The following NPIPB11 variants were observed in gnomAD, a reference collection of about 807,000 sequenced individuals.
The protein encoded by NPIPB11 is nuclear pore complex interacting protein family member B11.
A neutral mutation model predicts 32.8 loss-of-function variants in NPIPB11; 17 were observed. That is an observed-to-expected ratio of 0.52 (90% CI 0.35 to 0.78). The LOEUF is 0.78. Among genes scored for constraint, NPIPB11 ranks in the 30% least tolerant of loss-of-function variants. NPIPB11 has a pLI of 0.01. For missense variants in NPIPB11, 537 were observed against 1,000.4 expected, an observed-to-expected ratio of 0.54 and a Z score of 6.25; for synonymous variants, 209 against 398.4, an observed-to-expected ratio of 0.52 and a Z score of 5.66.
At chr16:29,400,839 G>A (rs1012142716) in intron 2 of NPIPB11, among the ~76,000 whole-genome samples, 1 of 152,144 alleles carries the variant, frequency 6.6e-6, no homozygotes, top group Admixed American at 6.5e-5. Context: ...TTCCATCGGA[G>A]GTGGCAGGTG....
At chr16:29,390,712 C>T (rs1023433291) in intron 3 of NPIPB11, among the ~76,000 whole-genome samples, 1 of 151,814 alleles carries the variant, frequency 6.6e-6, no homozygotes, top group African/African-American at 2.4e-5. Context: ...TCCTGTAATC[C>T]CAGCACTTTG....
chr16:29,394,491 G>A (rs1963802479), intron 2 of NPIPB11, among the ~76,000 whole-genome samples: 1 of 150,002 alleles, frequency 6.7e-6, no homozygotes, highest in Non-Finnish European at 1.5e-5. Flanking sequence ...CTGGAGTGAA[G>A]TGGTGCAATC....
chr16:29,393,811 A>C, intron 3 of NPIPB11, 137 bp downstream of exon 3: 3 of 1,228,202 alleles, frequency 2.4e-6, no homozygotes, highest in South Asian at 3.3e-5. Flanking sequence ...CATAATTCTT[A>C]TGCTAATAAA....
At chr16:29,392,283 C>A (rs1422005284) in intron 3 of NPIPB11, among the ~76,000 whole-genome samples, 1 of 152,022 alleles carries the variant, frequency 6.6e-6, no homozygotes, top group Non-Finnish European at 1.5e-5. Flanking sequence ...TCATGGCACC[C>A]ATGATGTCCC....
chr16:29,394,334 G>C (rs1386908316), intron 2 of NPIPB11, among the ~76,000 whole-genome samples: 4 of 151,268 alleles, frequency 2.6e-5, no homozygotes, highest in Non-Finnish European at 4.4e-5. Context: ...CCAATCTTTT[G>C]ACTTCCCTGC....
chr16:29,399,980 G>A (rs1485713160), intron 2 of NPIPB11, among the ~76,000 whole-genome samples: 1 of 151,824 alleles, frequency 6.6e-6, no homozygotes, highest in African/African-American at 2.4e-5. Flanking sequence ...AGGAGACTGA[G>A]GCAGGACAAT....
At chr16:29,406,672 C>T (rs897705722), upstream of NPIPB11, among the ~76,000 whole-genome samples, 2 of 152,022 alleles carry the variant, frequency 1.3e-5, no homozygotes, top group Admixed American at 6.5e-5. Flanking sequence ...CGAGATCATG[C>T]CACTGCACTC....
At chr16:29,402,736 G>A (rs1185845382) in intron 2 of NPIPB11, among the ~76,000 whole-genome samples, 1 of 139,310 alleles carries the variant, frequency 7.2e-6, no homozygotes, top group Non-Finnish European at 1.5e-5. Flanking sequence ...GTGTGTGTGT[G>A]TGTGTGTGTG....
At chr16:29,393,094 A>G (rs1963761285) in intron 3 of NPIPB11, among the ~76,000 whole-genome samples, 1 of 151,094 alleles carries the variant, frequency 6.6e-6, no homozygotes, top group African/African-American at 2.5e-5. Context: ...ACAACTTAGC[A>G]GCCAAATTCT....
At chr16:29,390,316 T>A (rs768783125) in exon 4 of NPIPB11, 5 of 1,541,556 alleles carry the variant, frequency 3.2e-6, no homozygotes, top group Non-Finnish European at 4.4e-6. Context: ...CATGTCCATT[T>A]CGAGACCAGA....
chr16:29,390,034 GT>G lies in NPIPB11; in HGVS notation c.451del (p.Thr151GlnfsTer12). 1.3e-6 allele frequency: 2 copies of G among 1,595,312 alleles called. No homozygotes were observed. The highest frequency in any genetic ancestry group is 2.2e-5 in the South Asian group (2 of 90,872). On this transcript the variant is annotated frameshift_variant, in exon 5 of 8. Transcript: ENST00000524087. LOFTEE classifies it high-confidence loss of function. ...CTTACGGATTTTAGCTCTAACTTTT[GT>G]TTCCACATGCCTCCGTAGAGTAATG...
intron 2 of NPIPB11, among the ~76,000 whole-genome samples, chr16:29,396,780 A>G (rs1356057104): frequency 1.0e-4 from 15 of 150,496 alleles, no homozygotes; most frequent in African/African-American, 2.9e-4. Flanking sequence ...ATAAATAAAT[A>G]AAATAATGTA....
chr16:29,382,234 G>C (rs760156946), exon 8 of NPIPB11: 2 of 1,591,098 alleles, frequency 1.3e-6, no homozygotes, highest in African/African-American at 1.5e-5. Flanking sequence ...CGTTTGGAAG[G>C]TGTCTTGAGA....
chr16:29,401,994 G>C (rs911599435), intron 2 of NPIPB11, among the ~76,000 whole-genome samples: 22 of 151,356 alleles, frequency 1.5e-4, no homozygotes, highest in African/African-American at 5.1e-4. Context: ...CTGTGATGCA[G>C]ACTAGCCTGC....
intron 2 of NPIPB11, among the ~76,000 whole-genome samples, chr16:29,402,720 CTCTCTG>C (rs1388527131): frequency 1.5e-4 from 18 of 117,122 alleles, no homozygotes; most frequent in Non-Finnish European, 1.9e-4. Context: ...CTCTCTCTCT[CTCTCTG>C]TGTGTGTGTG....
chr16:29,390,450 C>T, intron 3 of NPIPB11, 102 bp from the exon 4 acceptor site: 3 of 1,564,296 alleles, frequency 1.9e-6, no homozygotes, highest in Admixed American at 1.7e-5. Flanking sequence ...GGGTCAGGAG[C>T]AAGACCAGCC....
rs757640760 is a variant in NPIPB11, at chr16:29,383,168, C to T, written c.1764G>A (p.Gln588=). ...TCATCCGCTGAGGGTGGAAGCGGAACTGCAGATGCTCGGCAGGTGTCTTGA... is the reference window on the plus strand; with the variant it reads ...TCATCCGCTGAGGGTGGAAGCGGAATTGCAGATGCTCGGCAGGTGTCTTGA... The change falls in exon 8 of 8, where the codon CAG becomes CAA. Residue 588 remains glutamine, a synonymous_variant. Coordinates refer to ENST00000524087, the Ensembl canonical transcript of NPIPB11. 21 of 1,594,126 alleles carry T rather than the reference C, an allele frequency of 1.3e-5. No homozygotes were observed. The African/African-American group carries it at 2.5e-4, about 19-fold the overall frequency.
At chr16:29,381,662 C>T in exon 8 of NPIPB11, 4 of 635,988 alleles carry the variant, frequency 6.3e-6, no homozygotes, top group East Asian at 5.7e-5. Context: ...GTGGTTCCAT[C>T]TCAGCCGCCC....
intron 2 of NPIPB11, among the ~76,000 whole-genome samples, chr16:29,402,718 CTCTCTCTGTG>C (rs1217684508): frequency 1.6e-5 from 2 of 124,908 alleles, no homozygotes; most frequent in African/African-American, 6.8e-5. Context: ...CTCTCTCTCT[CTCTCTCTGTG>C]TGTGTGTGTG....
Sources: allele counts gnomAD v4.1 joint callset (sites outside exome capture counted in the v4.1 genomes callset), GRCh38; gene constraint gnomAD v4.1.1; transcripts MANE v1.5; gene names NCBI Gene and HGNC (gene_info 2026-07-23, HGNC 2026-07-21).